Variants in CRISPLD2 observed in about 807,000 individuals in gnomAD.
The protein encoded by CRISPLD2 is cysteine rich secretory protein LCCL domain containing 2.
Under a neutral mutation model 71.1 loss-of-function variants are expected in CRISPLD2, and 47 were observed. The ratio of observed to expected loss-of-function variants is 0.66; its 90% confidence interval spans 0.52 to 0.84. The LOEUF (loss-of-function observed/expected upper bound fraction) is 0.84, where lower values mean the gene tolerates loss of function less well. Among genes scored for constraint, CRISPLD2 ranks in the 40% least tolerant of loss-of-function variants. CRISPLD2 has a pLI of 0.00. For missense variants in CRISPLD2, 830 were observed against 651.1 expected, an observed-to-expected ratio of 1.27 and a Z score of -2.99; for synonymous variants, 317 against 250.1, an observed-to-expected ratio of 1.27 and a Z score of -2.52.
intron 8 of CRISPLD2, among the ~76,000 whole-genome samples, chr16:84,870,885 C>A (rs537350217): frequency 6.6e-6 from 1 of 151,998 alleles, no homozygotes; most frequent in South Asian, 2.1e-4. Context: ...TGGCGAAACC[C>A]TGTCTCTACT....
intron 7 of CRISPLD2, among the ~76,000 whole-genome samples, chr16:84,868,000 GC>G (rs1237391729): frequency 1.3e-5 from 2 of 152,210 alleles, no homozygotes; most frequent in African/African-American, 4.8e-5. Flanking sequence ...CTCAGGCGGG[GC>G]TGGAGGGCTG....
At chr16:84,826,447 G>A (rs1267483471) in intron 1 of CRISPLD2, among the ~76,000 whole-genome samples, 2 of 152,198 alleles carry the variant, frequency 1.3e-5, no homozygotes, top group African/African-American at 2.4e-5. Flanking sequence ...TATGTGCCTG[G>A]GAAGAGCCAG....
intron 6 of CRISPLD2, 85 bp from the exon 7 acceptor site, chr16:84,866,812 G>C: frequency 1.5e-6 from 2 of 1,345,036 alleles, no homozygotes; most frequent in Non-Finnish European, 2.1e-6. Flanking sequence ...AACACGTTTA[G>C]TTTTCAAATT....
Position 84,868,891 on chromosome 16 carries a change from C to G in CRISPLD2, c.894C>G (p.Cys298Trp). The G allele has an allele frequency of 6.2e-7, 1 of 1,608,650 alleles. No individual in the cohort carries two copies. Among genetic ancestry groups the G allele is most frequent in the Non-Finnish European group, 8.5e-7 (1 of 1,177,642 alleles). The change falls in exon 8 of 15, where the codon TGC (cysteine) becomes TGG (tryptophan). Residue 298 changes from cysteine to tryptophan, a missense_variant. Cys to Trp is a radical substitution (Grantham distance 215). Transcript: ENST00000262424. ...VRCDTKMKDR[C>W]KGSTCNRYQC... ...GTGACACCAAGATGAAGGACAGGTG[C>G]AAAGGGTCCACGTGTAACAGGTGAG...
chr16:84,876,546 A>G (rs975914964), intron 11 of CRISPLD2, among the ~76,000 whole-genome samples: 2 of 150,884 alleles, frequency 1.3e-5, no homozygotes, highest in African/African-American at 4.9e-5. Context: ...TAATCTTAGC[A>G]CTTTGGGAGG....
intron 1 of CRISPLD2, among the ~76,000 whole-genome samples, chr16:84,830,426 G>A (rs1163397014): frequency 6.6e-6 from 1 of 152,056 alleles, no homozygotes; most frequent in East Asian, 1.9e-4. Context: ...GTTATATTCC[G>A]GGCATGGTGG....
At chr16:84,881,345 T>C (rs1007796474) in intron 13 of CRISPLD2, among the ~76,000 whole-genome samples, 1 of 152,334 alleles carries the variant, frequency 6.6e-6, no homozygotes, top group Admixed American at 6.5e-5. Flanking sequence ...GTTATACCAA[T>C]CTCTTCCTCT....
chr16:84,897,305 A>AT (rs34690339), intron 14 of CRISPLD2, among the ~76,000 whole-genome samples: 3 of 150,100 alleles, frequency 2.0e-5, no homozygotes, highest in African/African-American at 7.4e-5. Flanking sequence ...AAAAAAAAAA[A>AT]GCCGGGCATG....
chr16:84,870,035 A>G (rs1204092646), intron 8 of CRISPLD2, among the ~76,000 whole-genome samples: 4 of 152,342 alleles, frequency 2.6e-5, no homozygotes, highest in African/African-American at 2.4e-5. Flanking sequence ...CCAGTGTGCC[A>G]CTGTGGGAGC....
At chr16:84,851,307 A>G (rs1467511991) in intron 5 of CRISPLD2, among the ~76,000 whole-genome samples, 3 of 152,196 alleles carry the variant, frequency 2.0e-5, no homozygotes, top group Non-Finnish European at 4.4e-5. Context: ...TGCTCAGCTC[A>G]TCAGTGTGGT....
At position 84,876,503 on chromosome 16, in the gene CRISPLD2, A is replaced by G. The variant is rs141264468; in HGVS notation, c.1157-935A>G. Among the ~76,000 whole-genome samples the G allele has an allele frequency of 4.0e-3, 602 of 150,656 alleles. 4 individuals carry two copies. Among genetic ancestry groups the G allele is most frequent in the African/African-American group, 0.014 (577 of 41,058 alleles). ...GGCGACAGAGTGAGACTCCGTCTCA[A>G]AAAAAAAAGGCCGGTGCAGTGGTTT... is the stretch of plus-strand genomic sequence containing the variant. On this transcript the variant is annotated intron_variant, in intron 11 of 14. Transcript: ENST00000262424.
chr16:84,906,655 A>C lies in CRISPLD2; in HGVS notation c.*13A>C. The C allele has an allele frequency of 6.2e-7, 1 of 1,614,088 alleles. No homozygotes were observed. The highest frequency in any genetic ancestry group is 2.2e-5 in the East Asian group (1 of 44,882). Reference sequence around the variant, plus strand: ...TGTCAGGCAGTGAATTTCCAGCACCAGGGGAGAAGGGGCGTCTTCAGGAGG... The same window carrying C: ...TGTCAGGCAGTGAATTTCCAGCACCCGGGGAGAAGGGGCGTCTTCAGGAGG... On this transcript the variant is annotated 3_prime_UTR_variant, in exon 15 of 15. Coordinates refer to ENST00000262424, the MANE Select transcript of CRISPLD2 (RefSeq NM_031476.4).
intron 1 of CRISPLD2, among the ~76,000 whole-genome samples, chr16:84,823,848 A>C (rs1184774241): frequency 6.6e-6 from 1 of 152,134 alleles, no homozygotes; most frequent in African/African-American, 2.4e-5. Context: ...GAAATCCCAC[A>C]TTTTCAATCC....
chr16:84,902,437 G>A (rs1354362297), intron 14 of CRISPLD2, among the ~76,000 whole-genome samples: 2 of 151,216 alleles, frequency 1.3e-5, no homozygotes, highest in African/African-American at 2.4e-5. Context: ...GTGAAACCCC[G>A]TCTCTACTAA....
At chr16:84,883,907 G>T (rs2071589618) in intron 13 of CRISPLD2, among the ~76,000 whole-genome samples, 1 of 148,928 alleles carries the variant, frequency 6.7e-6, no homozygotes, top group South Asian at 2.1e-4. Context: ...GCAGTGGCGT[G>T]ACCTCGGCTC....
intron 14 of CRISPLD2, among the ~76,000 whole-genome samples, chr16:84,899,528 T>C (rs981938279): frequency 6.6e-6 from 1 of 152,218 alleles, no homozygotes; most frequent in African/African-American, 2.4e-5. Context: ...GGAATTTTTC[T>C]TGGTGCCCAA....
At chr16:84,846,054 T>A (rs1916906383) in intron 3 of CRISPLD2, 150 bp downstream of exon 3, 1 of 580,184 alleles carries the variant, frequency 1.7e-6, no homozygotes, top group African/African-American at 1.9e-5. Context: ...AGGCTTGGCA[T>A]CCAGGAACAC....
intron 2 of CRISPLD2, among the ~76,000 whole-genome samples, chr16:84,841,271 A>C (rs1396502736): frequency 1.3e-5 from 2 of 152,212 alleles, no homozygotes; most frequent in Admixed American, 6.5e-5. Context: ...GCAAGCGTGC[A>C]GGGAAGGGTG....
chr16:84,844,001 G>A lies in CRISPLD2; in HGVS notation c.241-1785G>A, dbSNP rs568738414. The stretch of plus-strand genomic sequence containing the variant: ...GCTAAGACAGGACTGTCTTCCCTGA[G>A]CATCTGCTGTGTGCCCGGGGCTGGG... On this transcript the variant is annotated intron_variant, in intron 2 of 14. Coordinates refer to ENST00000262424, the MANE Select transcript of CRISPLD2 (RefSeq NM_031476.4). Among the ~76,000 whole-genome samples the A allele has an allele frequency of 1.7e-4, 26 of 152,358 alleles. 1 individual carries two copies. Among genetic ancestry groups the A allele is most frequent in the Admixed American group, 1.2e-3 (18 of 15,302 alleles).
Sources: gnomAD v4.1 joint callset for allele counts (sites outside exome capture counted in the v4.1 genomes callset) on GRCh38, gnomAD v4.1.1 for gene constraint, MANE v1.5 for transcripts, NCBI Gene and HGNC (gene_info 2026-07-23, HGNC 2026-07-21) for gene names.